SSC5D: variants seen among roughly 807,000 people sequenced by gnomAD.
SSC5D encodes scavenger receptor cysteine rich family member with 5 domains, also known as soluble scavenger receptor cysteine-rich domain-containing protein SSC5D.
In SSC5D, 106 loss-of-function variants were observed where a neutral mutation model predicts 104.6. The observed-to-expected ratio is 1.01, with a 90% CI of 0.87 to 1.19. The LOEUF (loss-of-function observed/expected upper bound fraction) is 1.19. Among genes scored for constraint, SSC5D ranks in the 50% most tolerant of loss-of-function variants. The probability of loss-of-function intolerance (pLI) is 0.00; values close to 1 mark genes in which losing one functional copy is unlikely to be tolerated. For missense variants in SSC5D, 1,993 were observed against 2,153.8 expected (o/e 0.93, Z 1.48); for synonymous variants, 860 against 883.5 (o/e 0.97, Z 0.47).
chr19:55,513,647 G>A (rs547438826), intron 13 of SSC5D, among the ~76,000 whole-genome samples: 23 of 152,208 alleles, frequency 1.5e-4, no homozygotes, highest in Non-Finnish European at 3.4e-4. Context: ...TGCCCCCAAG[G>A]GGAATTTGGC....
chr19:55,498,413 G>A (rs1599919551), intron 9 of SSC5D, among the ~76,000 whole-genome samples: 2 of 152,148 alleles, frequency 1.3e-5, no homozygotes, highest in African/African-American at 4.8e-5. Flanking sequence ...AGAGAGGTTG[G>A]GTAACTTGCT....
Position 55,498,152 on chromosome 19 carries a change from A to G in SSC5D, c.1660A>G (p.Lys554Glu). 6.4e-7 allele frequency: 1 copy of G among 1,551,734 alleles called. No homozygotes were observed. Among genetic ancestry groups the G allele is most frequent in the Non-Finnish European group, 8.7e-7 (1 of 1,146,986 alleles). ...CGACTGCCCTGCTGCTCCCTGGGGA[A>G]AGCACAACTGCGCTCACAATGAGGA... ...LSDCPAAPWGKHNCAHNEDVG... is the reference protein window; with the variant it reads ...LSDCPAAPWGEHNCAHNEDVG... The change falls in exon 9 of 14, where the codon AAG (lysine) becomes GAG (glutamate). Residue 554 changes from lysine (K) to glutamate (E), a missense_variant. Around this residue, in one of 6 missense-constraint regions of SSC5D, gnomAD observed 1,101 missense variants for 1,085.0 expected, o/e 1.01. Coordinates refer to ENST00000389623, the MANE Select transcript of SSC5D (RefSeq NM_001144950.2).
chr19:55,489,407 T>C lies in SSC5D; in HGVS notation c.106T>C (p.Trp36Arg). ...PHGCAGRLEV[W>R]HGGRWGTVCD... is the part of the protein sequence containing the mutation. ...TGGGTGCGCTGGCCGCCTGGAGGTC[T>C]GGCATGGCGGGCGCTGGGGCACCGT... The change falls in exon 3 of 14, where the codon TGG becomes CGG. Residue 36 changes from tryptophan to arginine, a missense_variant. Physicochemically the swap from Trp to Arg is moderately radical, Grantham distance 101. This residue lies in a region of SSC5D where 1,101 missense variants were observed against 1,085.0 expected (regional missense o/e 1.01). Transcript: ENST00000389623. 1 of 1,490,160 alleles carries C rather than the reference T, an allele frequency of 6.7e-7. No homozygotes were observed. Among genetic ancestry groups the C allele is most frequent in the South Asian group, 1.3e-5 (1 of 76,088 alleles). The allele number at this position is 1,490,160 out of a possible 1,614,324, so 92.3% of individuals were successfully genotyped here. A position where few individuals can be genotyped will look rare whatever the true frequency, so the allele number is the denominator to read the frequency against.
At chr19:55,494,867 C>G in intron 8 of SSC5D, 84 bp downstream of exon 8, 1 of 1,410,564 alleles carries the variant, frequency 7.1e-7, no homozygotes, top group Non-Finnish European at 9.4e-7. Flanking sequence ...CATGGGGGGC[C>G]TCTTGCAAAG....
At chr19:55,516,109 G>A (rs182053694) in intron 13 of SSC5D, among the ~76,000 whole-genome samples, 11 of 150,682 alleles carry the variant, frequency 7.3e-5, no homozygotes, top group Admixed American at 5.3e-4. Context: ...TGCCCAAAAC[G>A]CCAAAATCAA....
intron 12 of SSC5D, 68 bp from the exon 13 acceptor site, chr19:55,512,919 CCTGAACTGGGGCTGGCCCAGGAGG>C: frequency 1.4e-6 from 2 of 1,469,252 alleles, no homozygotes; most frequent in Non-Finnish European, 1.9e-6. Context: ...CGGGATGATG[CCTGAACTGGGGCTGGCCCAGGAGG>C]AGAGAGACGG....
chr19:55,494,474 T>C (rs943762153), intron 7 of SSC5D, 136 bp from the exon 8 acceptor site: 67 of 990,616 alleles, frequency 6.8e-5, no homozygotes, highest in Non-Finnish European at 9.0e-5. Context: ...GGGCTGTGTC[T>C]AGGGAGGAGG....
Position 55,498,038 on chromosome 19 carries a change from C to T in SSC5D, c.1546C>T (p.Pro516Ser). The T allele has an allele frequency of 6.4e-7, 1 of 1,551,732 alleles. No individual in the cohort carries two copies. Among genetic ancestry groups the T allele is most frequent in the Non-Finnish European group, 8.7e-7 (1 of 1,147,006 alleles). The stretch of plus-strand genomic sequence containing the variant: ...GCTGGGCTGTGGTGGACCTCAGCAG[C>T]CAGACCCTGCTGCTGGCCGCTTTGG... ...RELGCGGPQQ[P>S]DPAAGRFGWG... Residue 516 changes from proline to serine, a missense_variant, in exon 9 of 14, where the codon CCA (proline) becomes TCA (serine). This residue lies in a region of SSC5D where 1,101 missense variants were observed against 1,085.0 expected (regional missense o/e 1.01). Transcript: ENST00000389623.
At chr19:55,515,275 C>G (rs1335232523) in intron 13 of SSC5D, among the ~76,000 whole-genome samples, 1 of 150,854 alleles carries the variant, frequency 6.6e-6, no homozygotes, top group African/African-American at 2.4e-5. Context: ...ACATGCCTGT[C>G]ATCCCAGCTA....
At position 55,500,188 on chromosome 19, in the gene SSC5D, CCT is replaced by C; in HGVS notation, c.2082_2083del (p.Thr696HisfsTer15). 6.4e-7 allele frequency: 1 copy of C among 1,551,368 alleles called. No homozygotes were observed. The highest frequency in any genetic ancestry group is 8.7e-7 in the Non-Finnish European group (1 of 1,146,876). ...ACCACGGAGGCCCCCCAGAGATGGA[CCT>C]CTCACACCACTGCCACGCTGACCCC... is the stretch of plus-strand genomic sequence containing the variant. On this transcript the variant is annotated frameshift_variant, in exon 10 of 14. Transcript: ENST00000389623. LOFTEE classifies it high-confidence loss of function. The surrounding 1 kb of genome is among the most constrained non-coding windows in gnomAD (Gnocchi z 4.6).
chr19:55,519,038 A>G lies in SSC5D; in HGVS notation c.*40A>G. 11 of 1,498,052 alleles carry G rather than the reference A, an allele frequency of 7.3e-6. No individual in the cohort carries two copies. Among genetic ancestry groups the G allele is most frequent in the Non-Finnish European group, 8.0e-6 (9 of 1,122,850 alleles). The allele number at this position is 1,498,052 out of a possible 1,614,324, so 92.8% of individuals were successfully genotyped here. On this transcript the variant is annotated 3_prime_UTR_variant, in exon 14 of 14. Coordinates refer to ENST00000389623, the MANE Select transcript of SSC5D (RefSeq NM_001144950.2). ...TGAGGGGCTTAAGACACCCCCAACC[A>G]AAAAAAACAAAAACAAAAAAAACCC... is the stretch of plus-strand genomic sequence containing the variant.
rs368632113 is a variant in SSC5D, at chr19:55,500,168, G to A, written c.2058G>A (p.Thr686=). The A allele has an allele frequency of 1.0e-5, 16 of 1,550,834 alleles. No homozygotes were observed. In the African/African-American group the frequency reaches 1.2e-4, roughly 12 times the overall value. The part of the protein sequence containing the change: ...PTSEFTRRPT[T]EAPQRWTSHT... Reference sequence around the variant, plus strand: ...CTGAGTTTACCAGAAGGCCGACCACGGAGGCCCCCCAGAGATGGACCTCTC... The same window carrying A: ...CTGAGTTTACCAGAAGGCCGACCACAGAGGCCCCCCAGAGATGGACCTCTC... The change falls in exon 10 of 14, where the codon ACG becomes ACA. Residue 686 remains threonine, a synonymous_variant. Transcript: ENST00000389623. The surrounding 1 kb of genome is among the most constrained non-coding windows in gnomAD (Gnocchi z 4.6).
chr19:55,514,453 A>G (rs772303803), intron 13 of SSC5D, among the ~76,000 whole-genome samples: 16,405 of 54,012 alleles, frequency 0.3, 1,993 homozygotes, highest in African/African-American at 0.49. Flanking sequence ...AATAATAATA[A>G]TAATAGGTGT....
intron 4 of SSC5D, 137 bp downstream of exon 4, chr19:55,490,132 A>C: frequency 1.6e-6 from 1 of 620,292 alleles, no homozygotes; most frequent in South Asian, 1.9e-5. Context: ...CCTCTGCAGT[A>C]TGAACTCCCA....
chr19:55,517,129 T>G, intron 13 of SSC5D, 95 bp from the exon 14 acceptor site: 1 of 1,189,948 alleles, frequency 8.4e-7, no homozygotes, highest in Non-Finnish European at 1.2e-6. Context: ...CTCTGTGCCT[T>G]TCCATTGGTC....
At position 55,500,533 on chromosome 19, in the gene SSC5D, T is replaced by C. The variant is rs776632090; in HGVS notation, c.2346T>C (p.Ala782=). ...TGGCCGATGGGCCCAACCGCTGTGC[T>C]GGCCGGCTGGAAGTGTGGCATGCCG... ...VRLADGPNRC[A]GRLEVWHAGR... The change falls in exon 11 of 14, where the codon GCT becomes GCC. Residue 782 remains alanine, a synonymous_variant. Coordinates refer to ENST00000389623, the MANE Select transcript of SSC5D (RefSeq NM_001144950.2). This position sits in a 1 kb window ranked among gnomAD's most constrained non-coding sequence, Gnocchi z 4.6. The C allele has an allele frequency of 3.2e-6, 5 of 1,551,698 alleles. No individual in the cohort carries two copies. In the South Asian group the frequency reaches 5.9e-5, roughly 18 times the overall value.
rs1171615519 is a variant in SSC5D at position 55,493,667 on chromosome 19, G to A, written c.968G>A (p.Gly323Asp). Reference protein sequence around the residue: ...CAGRLEVWHGGRWGSVCDDAW... With the variant: ...CAGRLEVWHGDRWGSVCDDAW... ...GGCCGCCTGGAGGTCTGGCACGGGGGTCGCTGGGGGTCGGTGTGTGACGAC... is the reference window on the plus strand; with the variant it reads ...GGCCGCCTGGAGGTCTGGCACGGGGATCGCTGGGGGTCGGTGTGTGACGAC... Residue 323 changes from glycine (G) to aspartate (D), a missense_variant, in exon 7 of 14, where the codon GGT becomes GAT. Gly to Asp is a moderately conservative substitution (Grantham distance 94). Around this residue, in one of 6 missense-constraint regions of SSC5D, gnomAD observed 1,101 missense variants for 1,085.0 expected, o/e 1.01. Coordinates refer to ENST00000389623, the MANE Select transcript of SSC5D (RefSeq NM_001144950.2). 2 of 1,507,006 alleles carry A rather than the reference G, an allele frequency of 1.3e-6. No individual in the cohort carries two copies. Among genetic ancestry groups the A allele is most frequent in the Non-Finnish European group, 8.8e-7 (1 of 1,134,896 alleles). 93.4% of individuals were successfully genotyped at this position (1,507,006 alleles called of 1,614,324 possible).
At chr19:55,512,751 G>A (rs548204607) in intron 12 of SSC5D, among the ~76,000 whole-genome samples, 38 of 152,252 alleles carry the variant, frequency 2.5e-4, no homozygotes, top group African/African-American at 8.4e-4. Flanking sequence ...CCAAAGTGCT[G>A]GGATTACAAG....
In SSC5D at chr19:55,518,451, G is replaced by A; in HGVS notation, c.4175G>A (p.Ser1392Asn). 1 of 1,550,896 alleles carries A rather than the reference G, an allele frequency of 6.4e-7. No homozygotes were observed. The highest frequency in any genetic ancestry group is 1.7e-4 in the Middle Eastern group (1 of 5,992). Residue 1392 changes from serine (S) to asparagine (N), a missense_variant, in exon 14 of 14, where the codon AGC becomes AAC. Coordinates refer to ENST00000389623, the MANE Select transcript of SSC5D (RefSeq NM_001144950.2). ...TLEPSPALES[S>N]PSRSSTATSM... ...GAGCCCTCTCCAGCCTTGGAGTCCA[G>A]CCCCTCCAGGTCCTCCACAGCCACA...
Sources: allele counts gnomAD v4.1 joint callset (sites outside exome capture counted in the v4.1 genomes callset), GRCh38; gene constraint gnomAD v4.1.1; regional missense constraint gnomAD v4.1.1; non-coding constraint Gnocchi (gnomAD v3.1); transcripts MANE v1.5; gene names NCBI Gene and HGNC (gene_info 2026-07-23, HGNC 2026-07-21).